The following HERC6 variants were observed in gnomAD, a reference collection of about 807,000 sequenced individuals.
HERC6 encodes HECT and RLD domain containing E3 ubiquitin protein ligase family member 6, also known as probable E3 ubiquitin-protein ligase HERC6.
In HERC6, 101 loss-of-function variants were observed where a neutral mutation model predicts 114.5. The ratio of observed to expected loss-of-function variants is 0.88; its 90% CI spans 0.75 to 1.04. HERC6 has a LOEUF of 1.04. HERC6 is among the 50% of genes least tolerant of loss of function. HERC6 has a pLI of 0.00. For synonymous variants in HERC6, 408 were observed against 436.2 expected (o/e 0.94, Z 0.81); for missense variants, 1,133 against 1,230.9 (o/e 0.92, Z 1.19).
At position 88,396,925 on chromosome 4, in the gene HERC6, A is replaced by T; in HGVS notation, c.962A>T (p.Lys321Met). 6.2e-7 allele frequency: 1 copy of T among 1,611,886 alleles called. No homozygotes were observed. The highest frequency in any genetic ancestry group is 8.5e-7 in the Non-Finnish European group (1 of 1,178,590). ...SFGHGPSDTS[K>M]PTHPEALTEN... Reference sequence around the variant, plus strand: ...GGTCATGGACCAAGTGACACAAGCAAGCCAACTCATCCGGAGGCCCTGACA... The same window carrying T: ...GGTCATGGACCAAGTGACACAAGCATGCCAACTCATCCGGAGGCCCTGACA... Residue 321 changes from lysine (K) to methionine (M), a missense_variant, in exon 7 of 23, where the codon AAG becomes ATG. Transcript: ENST00000264346.
intron 1 of HERC6, among the ~76,000 whole-genome samples, chr4:88,381,774 T>C (rs1389213007): frequency 6.6e-6 from 1 of 151,988 alleles, no homozygotes; most frequent in African/African-American, 2.4e-5. Flanking sequence ...GTCAGGCTGG[T>C]CTCAAACTCC....
At chr4:88,434,106 C>A (rs1738507665) in intron 17 of HERC6, among the ~76,000 whole-genome samples, 1 of 152,136 alleles carries the variant, frequency 6.6e-6, no homozygotes, top group Admixed American at 6.5e-5. Context: ...ATCAACACAC[C>A]AGAAACTTTA....
In HERC6 at chr4:88,407,237, C is replaced by A. The variant is rs1735857327; in HGVS notation, c.1275-1287C>A. Among the ~76,000 whole-genome samples, 4 of 151,758 alleles carry A rather than the reference C, an allele frequency of 2.6e-5. No individual in the cohort carries two copies. In the South Asian group the frequency reaches 8.3e-4, roughly 32 times the overall value. On this transcript the variant is annotated intron_variant, in intron 10 of 22. Coordinates refer to ENST00000264346, the MANE Select transcript of HERC6 (RefSeq NM_017912.4). The stretch of plus-strand genomic sequence containing the variant: ...GGATTACAGGCATGCGCCACCATGC[C>A]CAGCTAATTTTTTTGTATTTTTAGT...
At chr4:88,384,106 AGAGTTTCCTGGG>A (rs1734459394) in intron 2 of HERC6, among the ~76,000 whole-genome samples, 1 of 152,190 alleles carries the variant, frequency 6.6e-6, no homozygotes, top group Admixed American at 6.5e-5. Flanking sequence ...TCCTTGAGTG[AGAGTTTCCTGGG>A]AATTCAGTTG....
chr4:88,393,561 A>C lies in HERC6; in HGVS notation c.738A>C (p.Ala246=), dbSNP rs754712009. 1 of 1,611,248 alleles carries C rather than the reference A, an allele frequency of 6.2e-7. No homozygotes were observed. Among genetic ancestry groups the C allele is most frequent in the Non-Finnish European group, 8.5e-7 (1 of 1,178,072 alleles). ...TGGTTTATATCAGCTGTGGTGATGC[A>C]CACACTGCGGTGCTTACCCAGGTAA... is the stretch of plus-strand genomic sequence containing the variant. The part of the protein sequence containing the change: ...LGVVYISCGD[A]HTAVLTQDGK... Residue 246 remains alanine (A), a synonymous_variant, in exon 5 of 23, where the codon GCA becomes GCC. Transcript: ENST00000264346.
intron 1 of HERC6, 58 bp from the exon 2 acceptor site, chr4:88,383,163 G>C: frequency 6.4e-7 from 1 of 1,568,318 alleles, no homozygotes; most frequent in East Asian, 2.3e-5. Context: ...TCTTAAACTT[G>C]TGTTAAATTA....
At position 88,440,195 on chromosome 4, in the gene HERC6, G is replaced by T. The variant is rs61738382; in HGVS notation, c.2787G>T (p.Gln929His). ...ACCAAAAATCACATCCTACTATACAGTTGTTTTGGAAGGCTTTCCACAAAC... is the reference window on the plus strand; with the variant it reads ...ACCAAAAATCACATCCTACTATACATTTGTTTTGGAAGGCTTTCCACAAAC... ...QGYQKSHPTI[Q>H]LFWKAFHKLT... Residue 929 changes from glutamine to histidine, a missense_variant, in exon 22 of 23, where the codon CAG (glutamine) becomes CAT (histidine). Physicochemically the swap from Gln to His is conservative, Grantham distance 24. Coordinates refer to ENST00000264346, the MANE Select transcript of HERC6 (RefSeq NM_017912.4). The T allele has an allele frequency of 1.2e-6, 2 of 1,608,774 alleles. No individual in the cohort carries two copies. Among genetic ancestry groups the T allele is most frequent in the East Asian group, 4.5e-5 (2 of 44,792 alleles).
chr4:88,413,838 T>G (rs1010403225), intron 12 of HERC6, among the ~76,000 whole-genome samples: 1 of 152,170 alleles, frequency 6.6e-6, no homozygotes, highest in Non-Finnish European at 1.5e-5. Flanking sequence ...AGTAAATGAC[T>G]ATTAGGGAGA....
chr4:88,432,934 A>G (rs942139775), intron 17 of HERC6, among the ~76,000 whole-genome samples: 5 of 148,054 alleles, frequency 3.4e-5, no homozygotes, highest in Admixed American at 6.7e-5. Flanking sequence ...TAAAAATACA[A>G]AAAATTAGCC....
chr4:88,417,538 A>G lies in HERC6; in HGVS notation c.1672A>G (p.Asn558Asp). Residue 558 changes from asparagine (N) to aspartate (D), a missense_variant, in exon 13 of 23, where the codon AAT (asparagine) becomes GAT (aspartate). Physicochemically the swap from Asn to Asp is conservative, Grantham distance 23. Coordinates refer to ENST00000264346, the MANE Select transcript of HERC6 (RefSeq NM_017912.4). ...GACTAAAACCGAACAGGATCACTGT[A>G]ATGTTAAAGCTCTTTTAGGAATGAT... ...HQTKTEQDHC[N>D]VKALLGMMKE... 2 of 1,613,140 alleles carry G rather than the reference A, an allele frequency of 1.2e-6. No homozygotes were observed. Among genetic ancestry groups the G allele is most frequent in the Non-Finnish European group, 1.7e-6 (2 of 1,179,506 alleles).
rs1430375472 is a variant in HERC6, at chr4:88,383,179, C to G, written c.200-42C>G. Reference sequence around the variant, plus strand: ...CTTAAACTTGTGTTAAATTAATAATCTGCAGTGGTGGTTGGGGGGTGTTTT... The same window carrying G: ...CTTAAACTTGTGTTAAATTAATAATGTGCAGTGGTGGTTGGGGGGTGTTTT... On this transcript the variant is annotated intron_variant, in intron 1 of 22. Coordinates refer to ENST00000264346, the MANE Select transcript of HERC6 (RefSeq NM_017912.4). 3 of 1,588,402 alleles carry G rather than the reference C, an allele frequency of 1.9e-6. No homozygotes were observed. The African/African-American group carries it at 4.0e-5, about 21-fold the overall frequency.
At position 88,397,983 on chromosome 4, in the gene HERC6, G is replaced by A. The variant is rs1371638417; in HGVS notation, c.1025-159G>A. The A allele has an allele frequency of 1.5e-5, 8 of 540,886 alleles. No individual in the cohort carries two copies. In the Admixed American group the frequency reaches 1.9e-4, roughly 13 times the overall value. 33.5% of individuals were successfully genotyped at this position (540,886 alleles called of 1,614,324 possible). On this transcript the variant is annotated intron_variant, in intron 7 of 22. Coordinates refer to ENST00000264346, the MANE Select transcript of HERC6 (RefSeq NM_017912.4). ...ATCTTTTATTTCAATATGATGGGAGGGAAAAAAAGAAAAAAATTAATCTTT... is the reference window on the plus strand; with the variant it reads ...ATCTTTTATTTCAATATGATGGGAGAGAAAAAAAGAAAAAAATTAATCTTT...
At chr4:88,426,920 C>G (rs1737700592) in intron 15 of HERC6, among the ~76,000 whole-genome samples, 1 of 152,226 alleles carries the variant, frequency 6.6e-6, no homozygotes, top group Non-Finnish European at 1.5e-5. Context: ...CCTTTCCAAA[C>G]CTAACTTTCC....
intron 6 of HERC6, among the ~76,000 whole-genome samples, 178 bp downstream of exon 6, chr4:88,396,320 T>C (rs1035072304): frequency 1.3e-5 from 2 of 152,190 alleles, no homozygotes; most frequent in South Asian, 4.1e-4. Context: ...ATTTTATTTA[T>C]TTAATAAGAA....
chr4:88,396,114 G>A lies in HERC6; in HGVS notation c.859G>A (p.Gly287Ser), dbSNP rs756955564. 1.4e-5 allele frequency: 23 copies of A among 1,601,672 alleles called. No homozygotes were observed. The Admixed American group carries it at 2.6e-4, about 18-fold the overall frequency. Reference sequence around the variant, plus strand: ...TCCACAACTTGTGGAAAGAATTGATGGCCTAGTTTCGCAGATAGATTGTGG... The same window carrying A: ...TCCACAACTTGTGGAAAGAATTGATAGCCTAGTTTCGCAGATAGATTGTGG... Reference protein sequence around the residue: ...RGPQLVERIDGLVSQIDCGSY... With the variant: ...RGPQLVERIDSLVSQIDCGSY... The change falls in exon 6 of 23, where the codon GGC (glycine) becomes AGC (serine). Residue 287 changes from glycine (G) to serine (S), a missense_variant. Gly to Ser is a moderately conservative substitution (Grantham distance 56). Coordinates refer to ENST00000264346, the MANE Select transcript of HERC6 (RefSeq NM_017912.4).
chr4:88,385,079 A>G (rs181504922), intron 2 of HERC6, among the ~76,000 whole-genome samples: 281 of 152,216 alleles, frequency 1.8e-3, no homozygotes, highest in African/African-American at 6.5e-3. Flanking sequence ...CAAAAATGGC[A>G]ATTTTGTATG....
intron 20 of HERC6, among the ~76,000 whole-genome samples, chr4:88,439,168 CT>C (rs910597617): frequency 6.6e-6 from 1 of 152,020 alleles, no homozygotes; most frequent in African/African-American, 2.4e-5. Flanking sequence ...ATTCTGTGGC[CT>C]AACTACAAAA....
At chr4:88,394,201 G>T (rs576027242) in intron 5 of HERC6, among the ~76,000 whole-genome samples, 3 of 152,132 alleles carry the variant, frequency 2.0e-5, no homozygotes, top group Non-Finnish European at 4.4e-5. Context: ...ATAGCTGGGT[G>T]TGGTGGCTCA....
chr4:88,407,514 C>G (rs1459516723), intron 10 of HERC6, among the ~76,000 whole-genome samples: 3 of 152,170 alleles, frequency 2.0e-5, no homozygotes, highest in Non-Finnish European at 4.4e-5. Context: ...ATCCTTCCAC[C>G]TCAGCCTCAC....
Sources: allele counts gnomAD v4.1 joint callset (sites outside exome capture counted in the v4.1 genomes callset), GRCh38; gene constraint gnomAD v4.1.1; transcripts MANE v1.5; gene names NCBI Gene and HGNC (gene_info 2026-07-23, HGNC 2026-07-21).